KMT2C: variants seen among roughly 807,000 people sequenced by gnomAD.
The protein encoded by KMT2C is lysine methyltransferase 2C.
A neutral mutation model predicts 507.9 loss-of-function variants in KMT2C; 88 were observed. That is an observed-to-expected ratio of 0.17 (90% CI 0.15 to 0.21). KMT2C has a LOEUF of 0.21. Among genes scored for constraint, KMT2C ranks in the 10% least tolerant of loss-of-function variants. KMT2C has a pLI of 1.00. For synonymous variants in KMT2C, 2,049 were observed against 2,080.8 expected (o/e 0.98, Z 0.42); for missense variants, 4,954 against 5,957.8 (o/e 0.83, Z 5.55).
At chr7:152,140,018 A>G (rs909907731) in intron 55 of KMT2C, among the ~76,000 whole-genome samples, 1 of 152,180 alleles carries the variant, frequency 6.6e-6, no homozygotes, top group Admixed American at 6.5e-5. Flanking sequence ...TTAGCACTAA[A>G]TTCTTAGAGT....
intron 7 of KMT2C, among the ~76,000 whole-genome samples, chr7:152,272,992 A>G (rs1020962054): frequency 1.3e-5 from 2 of 152,284 alleles, no homozygotes; most frequent in African/African-American, 4.8e-5. Context: ...AATTCAATAG[A>G]CTAGGAGAAA....
intron 1 of KMT2C, among the ~76,000 whole-genome samples, chr7:152,418,861 CA>C (rs113222244): frequency 0.1 from 13,167 of 132,218 alleles, 1,210 homozygotes; most frequent in African/African-American, 0.26. Context: ...AGTAGTATCA[CA>C]AAAAAAAAAA....
At chr7:152,185,061 C>G (rs1420928876) in intron 34 of KMT2C, among the ~76,000 whole-genome samples, 2 of 152,210 alleles carry the variant, frequency 1.3e-5, no homozygotes, top group African/African-American at 2.4e-5. Flanking sequence ...CTGGCCCCTC[C>G]TGTATACTTT....
intron 53 of KMT2C, among the ~76,000 whole-genome samples, chr7:152,145,749 C>T (rs1310151071): frequency 1.3e-5 from 2 of 152,272 alleles, no homozygotes; most frequent in African/African-American, 2.4e-5. Flanking sequence ...CTTTCTTGAT[C>T]GTTTCTCACT....
At position 152,162,148 on chromosome 7, in the gene KMT2C, A is replaced by G. The variant is rs1446281328; in HGVS notation, c.11429T>C (p.Leu3810Pro). The change falls in exon 43 of 59, where the codon CTA becomes CCA. Residue 3810 changes from leucine (L) to proline (P), a missense_variant. Coordinates refer to ENST00000262189, the MANE Select transcript of KMT2C (RefSeq NM_170606.3). ...TTCAGCTGGGTTCTGCTTCTCAACTAGTTTATTATCCTTTGTACAGTCATC... is the reference window on the plus strand; with the variant it reads ...TTCAGCTGGGTTCTGCTTCTCAACTGGTTTATTATCCTTTGTACAGTCATC... ...SEDDCTKDNKLVEKQNPAEGL... is the reference protein window; with the variant it reads ...SEDDCTKDNKPVEKQNPAEGL... The G allele has an allele frequency of 3.2e-6, 5 of 1,578,440 alleles. No homozygotes were observed. The highest frequency in any genetic ancestry group is 4.3e-6 in the Non-Finnish European group (5 of 1,165,168).
At position 152,381,189 on chromosome 7, in the gene KMT2C, G is replaced by A. The variant is rs79994794; in HGVS notation, c.162-22514C>T. 6.0e-4 allele frequency among the ~76,000 whole-genome samples: 89 copies of A among 148,386 alleles called. No individual in the cohort carries two copies. The Middle Eastern group carries it at 0.021, about 34-fold the overall frequency. On this transcript the variant is annotated intron_variant, in intron 1 of 58. Transcript: ENST00000262189. ...TCATTTATTCAACAAATATTTGAGT[G>A]CCAGCTATGTGCTAGGCACTGTTCT...
intron 53 of KMT2C, among the ~76,000 whole-genome samples, chr7:152,146,171 G>C (rs770046081): frequency 2.0e-5 from 3 of 152,168 alleles, no homozygotes; most frequent in Non-Finnish European, 4.4e-5. Context: ...GTGCTGCTGC[G>C]ATCTACTGCC....
chr7:152,241,574 T>C (rs1368799190), intron 14 of KMT2C, among the ~76,000 whole-genome samples: 2 of 152,200 alleles, frequency 1.3e-5, no homozygotes, highest in Admixed American at 6.5e-5. Context: ...CGGTGAACCA[T>C]CATCTCTCTT....
intron 6 of KMT2C, among the ~76,000 whole-genome samples, chr7:152,307,411 G>A (rs372063807): frequency 1.6e-4 from 24 of 151,752 alleles, no homozygotes; most frequent in South Asian, 4.2e-4. Context: ...GAAGGAAGAA[G>A]GACAAAACAA....
In KMT2C at chr7:152,207,400, T is replaced by C. The variant is rs145531669; in HGVS notation, c.3741A>G (p.Lys1247=). ...CTTCCCGCTCAGGACTAGATTCTGA[T>C]TTTCCATCACAATCCATAAGTTCTC... ...REGELMDCDG[K]SESSPEREAV... The change falls in exon 24 of 59, where the codon AAA becomes AAG. Residue 1247 remains lysine, a synonymous_variant. Transcript: ENST00000262189. The C allele has an allele frequency of 2.8e-5, 45 of 1,608,168 alleles. No homozygotes were observed. Among genetic ancestry groups the C allele is most frequent in the Non-Finnish European group, 3.7e-5 (44 of 1,177,520 alleles).
At chr7:152,196,754 T>A (rs1244611684) in intron 27 of KMT2C, among the ~76,000 whole-genome samples, 1 of 152,112 alleles carries the variant, frequency 6.6e-6, no homozygotes. Flanking sequence ...ATGAAGACCT[T>A]TAGGAGATGA....
chr7:152,397,201 C>CT (rs35853037), intron 1 of KMT2C, among the ~76,000 whole-genome samples: 50 of 144,166 alleles, frequency 3.5e-4, no homozygotes, highest in African/African-American at 3.5e-4. Context: ...ACTTTCCAAG[C>CT]TTTTTTTTTT....
chr7:152,178,014 TTAA>T lies in KMT2C; in HGVS notation c.7443-7_7443-5del, dbSNP rs2093278900. ...ACTACCTCCTGGAAATCCAAATCTT[TTAA>T]AAAAAAAAAAAAAAAAAAAAAAAAA... On this transcript the variant is annotated splice_polypyrimidine_tract_variant and splice_region_variant and intron_variant, in intron 37 of 58. Coordinates refer to ENST00000262189, the MANE Select transcript of KMT2C (RefSeq NM_170606.3). 40 of 1,129,616 alleles carry T rather than the reference TTAA, an allele frequency of 3.5e-5. No homozygotes were observed. The highest frequency in any genetic ancestry group is 1.2e-4 in the East Asian group (3 of 25,198). The allele number at this position is 1,129,616 out of a possible 1,614,324, so 70.0% of individuals were successfully genotyped here.
chr7:152,324,126 G>C (rs1477044433), intron 3 of KMT2C, among the ~76,000 whole-genome samples: 1 of 151,622 alleles, frequency 6.6e-6, no homozygotes, highest in Admixed American at 6.6e-5. Flanking sequence ...ACATAGTAGG[G>C]TGACCTATAT....
chr7:152,244,567 T>G (rs1487704912), intron 14 of KMT2C, among the ~76,000 whole-genome samples: 6 of 152,124 alleles, frequency 3.9e-5, no homozygotes, highest in Non-Finnish European at 8.8e-5. Flanking sequence ...AATACTAAAT[T>G]ATTTATGAAT....
At position 152,220,516 on chromosome 7, in the gene KMT2C, G is replaced by C. The variant is rs1192785141; in HGVS notation, c.3712+7C>G. 7 of 1,582,910 alleles carry C rather than the reference G, an allele frequency of 4.4e-6. No individual in the cohort carries two copies. Among genetic ancestry groups the C allele is most frequent in the Non-Finnish European group, 6.1e-6 (7 of 1,153,438 alleles). On this transcript the variant is annotated splice_region_variant and intron_variant, in intron 23 of 58. Coordinates refer to ENST00000262189, the MANE Select transcript of KMT2C (RefSeq NM_170606.3). ...CACATATTTCATGGAAAATAAATTAGTATTACCTCGACTATCATCCATTTC... is the reference window on the plus strand; with the variant it reads ...CACATATTTCATGGAAAATAAATTACTATTACCTCGACTATCATCCATTTC...
intron 33 of KMT2C, among the ~76,000 whole-genome samples, chr7:152,185,847 G>A (rs113069834): frequency 4.6e-5 from 7 of 152,296 alleles, no homozygotes; most frequent in Middle Eastern, 3.4e-3. Flanking sequence ...TATTAACAAC[G>A]TAGCTTGTAA....
At chr7:152,276,635 C>T (rs1321741857) in intron 6 of KMT2C, among the ~76,000 whole-genome samples, 4 of 152,018 alleles carry the variant, frequency 2.6e-5, no homozygotes, top group African/African-American at 7.2e-5. Flanking sequence ...CACCTATAGT[C>T]CCAGCTACTC....
At chr7:152,331,072 C>A (rs982620461) in intron 2 of KMT2C, among the ~76,000 whole-genome samples, 3 of 152,130 alleles carry the variant, frequency 2.0e-5, no homozygotes, top group Non-Finnish European at 4.4e-5. Context: ...CTTTGAGAGG[C>A]CAAGGCAAGC....
Sources: gnomAD v4.1 joint callset for allele counts (sites outside exome capture counted in the v4.1 genomes callset) on GRCh38, gnomAD v4.1.1 for gene constraint, MANE v1.5 for transcripts, NCBI Gene and HGNC (gene_info 2026-07-23, HGNC 2026-07-21) for gene names.